Variants in ZNF577 observed in about 807,000 individuals in gnomAD.
The protein encoded by ZNF577 is zinc finger protein 577.
Under a neutral mutation model 13.9 loss-of-function variants are expected in ZNF577, and 14 were observed. That is an observed-to-expected ratio of 1.00 (90% confidence interval 0.66 to 1.57). ZNF577 has a LOEUF of 1.57. Ranked by LOEUF, ZNF577 falls within the 40% of genes most tolerant of loss-of-function variation. The probability of loss-of-function intolerance (pLI) is 0.00; values close to 1 mark genes in which losing one functional copy is unlikely to be tolerated. For synonymous variants in ZNF577, 203 were observed against 202.9 expected (o/e 1.00, Z 0.00); for missense variants, 555 against 579.2 (o/e 0.96, Z 0.43).
intron 1 of ZNF577, among the ~76,000 whole-genome samples, chr19:51,885,660 C>T (rs2084934388): frequency 6.6e-6 from 1 of 152,052 alleles, no homozygotes; most frequent in African/African-American, 2.4e-5. Flanking sequence ...TACAGACACC[C>T]GCTACCACGC....
intron 9 of ZNF577, among the ~76,000 whole-genome samples, chr19:51,822,397 G>A (rs2084196936): frequency 6.6e-6 from 1 of 152,180 alleles, no homozygotes; most frequent in South Asian, 2.1e-4. Context: ...GAACAAAATT[G>A]CGATTTGATT....
intron 9 of ZNF577, among the ~76,000 whole-genome samples, chr19:51,835,512 G>C (rs141803295): frequency 6.6e-6 from 1 of 150,736 alleles, no homozygotes; most frequent in East Asian, 2.0e-4. Context: ...ACTTCCAAAA[G>C]ACAGGGAAAA....
In ZNF577 at chr19:51,872,985, A is replaced by G; in HGVS notation, c.1005T>C (p.Phe335=). The G allele has an allele frequency of 6.2e-7, 1 of 1,614,152 alleles. No individual in the cohort carries two copies. The highest frequency in any genetic ancestry group is 8.5e-7 in the Non-Finnish European group (1 of 1,180,030). Residue 335 remains phenylalanine, a synonymous_variant, in exon 6 of 6, where the codon TTT becomes TTC. Coordinates refer to ENST00000638348, the MANE Select transcript of ZNF577 (RefSeq NM_001370449.1). ...GCTGAATGAGCTTCGACTTGCTTCT[A>G]AAGGCTTTTTCACACTCACTACATT... ...PYECSECEKA[F]RSKSKLIQHQ...
chr19:51,877,226 A>C, intron 5 of ZNF577, 56 bp downstream of exon 5: 18 of 1,465,400 alleles, frequency 1.2e-5, no homozygotes, highest in Non-Finnish European at 1.6e-5. Flanking sequence ...CCCTTCTCCG[A>C]CCAGCTGGGA....
chr19:51,830,524 G>T (rs1188388004), intron 9 of ZNF577, among the ~76,000 whole-genome samples: 1 of 152,162 alleles, frequency 6.6e-6, no homozygotes, highest in African/African-American at 2.4e-5. Context: ...TTACTGCACT[G>T]CAGGTTCAGA....
At chr19:51,848,926 GC>G (rs2084367370) in intron 5 of ZNF577, among the ~76,000 whole-genome samples, 1 of 151,786 alleles carries the variant, frequency 6.6e-6, no homozygotes, top group African/African-American at 2.4e-5. Flanking sequence ...AGATTATATT[GC>G]CTTTAGATAA....
rs2084685219 is a variant in ZNF577, at chr19:51,872,922, G to C, written c.1068C>G (p.Cys356Trp). The change falls in exon 6 of 6, where the codon TGC becomes TGG. Residue 356 changes from cysteine to tryptophan, a missense_variant. Coordinates refer to ENST00000638348, the MANE Select transcript of ZNF577 (RefSeq NM_001370449.1). ...GGGCAAAGGCTTTGCCACATTCTCTGCATGAATATGGTCTCTCTCCAGTGT... is the reference window on the plus strand; with the variant it reads ...GGGCAAAGGCTTTGCCACATTCTCTCCATGAATATGGTCTCTCTCCAGTGT... ...RTHTGERPYSCRECGKAFAHM... is the reference protein window; with the variant it reads ...RTHTGERPYSWRECGKAFAHM... 3 of 1,614,192 alleles carry C rather than the reference G, an allele frequency of 1.9e-6. No homozygotes were observed. The highest frequency in any genetic ancestry group is 2.5e-6 in the Non-Finnish European group (3 of 1,180,028).
At chr19:51,820,185 G>A (rs1307749421) in intron 9 of ZNF577, among the ~76,000 whole-genome samples, 4 of 152,208 alleles carry the variant, frequency 2.6e-5, no homozygotes, top group African/African-American at 7.2e-5. Flanking sequence ...TAATGCATCA[G>A]AAATCACACG....
chr19:51,857,543 G>A (rs1405367449), intron 5 of ZNF577, among the ~76,000 whole-genome samples: 3 of 152,256 alleles, frequency 2.0e-5, no homozygotes, highest in Non-Finnish European at 2.9e-5. Flanking sequence ...GGGATATGCC[G>A]AAGGGCCTCT....
In ZNF577 at chr19:51,887,540, G is replaced by A. The variant is rs1389782007; in HGVS notation, c.-938C>T. The A allele has an allele frequency of 6.6e-6, 1 of 152,210 alleles. No homozygotes were observed. The highest frequency in any genetic ancestry group is 1.5e-5 in the Non-Finnish European group (1 of 68,082). 9.4% of individuals were successfully genotyped at this position (152,210 alleles called of 1,614,324 possible). A position where few individuals can be genotyped will look rare whatever the true frequency, so the allele number is the denominator to read the frequency against. On this transcript the variant is annotated 5_prime_UTR_variant, in exon 1 of 6. Transcript: ENST00000638348. ...AGCAGACCCCTTTTTAAGTACGCAT[G>A]TGATAAGCAATGAACACGAACTGCC...
chr19:51,871,166 T>C lies in ZNF577; in HGVS notation c.*1366A>G, dbSNP rs7257130. The stretch of plus-strand genomic sequence containing the variant: ...TCACCCACGCTGTAGTGCAGTGGCA[T>C]GATCATAGCTCACTGCAGTCACTGC... On this transcript the variant is annotated 3_prime_UTR_variant, in exon 6 of 6. Coordinates refer to ENST00000638348, the MANE Select transcript of ZNF577 (RefSeq NM_001370449.1). 0.18 allele frequency: 27,439 copies of C among 152,146 alleles called. 3,027 individuals are homozygous for C. Among genetic ancestry groups the C allele is most frequent in the South Asian group, 0.33 (1,607 of 4,826 alleles). The allele number at this position is 152,146 out of a possible 1,614,324, so 9.4% of individuals were successfully genotyped here.
At chr19:51,878,352 A>T in intron 4 of ZNF577, 37 bp downstream of exon 4, 1 of 1,608,120 alleles carries the variant, frequency 6.2e-7, no homozygotes, top group Non-Finnish European at 8.5e-7. Flanking sequence ...TCACCAAATA[A>T]GAAAGAAAAG....
At chr19:51,863,558 G>T (rs8102365), downstream of ZNF577, among the ~76,000 whole-genome samples, 1,607 of 152,282 alleles carry the variant, frequency 0.011, 27 homozygotes, top group African/African-American at 0.034. Flanking sequence ...ATATGTACCT[G>T]TGTGTGGTGT....
At chr19:51,811,684 G>A (rs889647494) in intron 9 of ZNF577, 4 of 152,208 alleles carry the variant, frequency 2.6e-5, no homozygotes, top group African/African-American at 4.8e-5. Flanking sequence ...ACTGAACAAA[G>A]GGGGATGAAC....
intron 5 of ZNF577, among the ~76,000 whole-genome samples, chr19:51,875,520 T>C (rs1382189874): frequency 6.6e-6 from 1 of 152,236 alleles, no homozygotes; most frequent in African/African-American, 2.4e-5. Context: ...GTCCTCATGT[T>C]ATTTGACATT....
At chr19:51,810,345 C>A (rs1211660428) in intron 10 of ZNF577, among the ~76,000 whole-genome samples, 1 of 152,180 alleles carries the variant, frequency 6.6e-6, no homozygotes, top group Non-Finnish European at 1.5e-5. Flanking sequence ...AGCATTTCTG[C>A]AGCCGTGGTA....
In ZNF577 at chr19:51,871,843, T is replaced by C. The variant is rs1323470900; in HGVS notation, c.*689A>G. The C allele has an allele frequency of 6.6e-6, 1 of 152,114 alleles. No individual in the cohort carries two copies. Among genetic ancestry groups the C allele is most frequent in the Non-Finnish European group, 1.5e-5 (1 of 68,026 alleles). 9.4% of individuals were successfully genotyped at this position (152,114 alleles called of 1,614,324 possible). A position where few individuals can be genotyped will look rare whatever the true frequency, so the allele number is the denominator to read the frequency against. On this transcript the variant is annotated 3_prime_UTR_variant, in exon 6 of 6. Coordinates refer to ENST00000638348, the MANE Select transcript of ZNF577 (RefSeq NM_001370449.1). ...CAAAGAAAGACGCTCCCCTAGAGCC[T>C]CCAAAAAGAAAAGCAGCCCTGTCAA...
chr19:51,839,334 C>T (rs1007416347), intron 9 of ZNF577, among the ~76,000 whole-genome samples: 3 of 152,136 alleles, frequency 2.0e-5, no homozygotes, highest in Non-Finnish European at 2.9e-5. Context: ...GTTGAGGCTG[C>T]AGTAAGCTAT....
Position 51,857,377 on chromosome 19 carries a change from A to AGAAG in ZNF577, c.284-12447_284-12446insCTTC, listed in dbSNP as rs1568442137. 8.7e-3 allele frequency among the ~76,000 whole-genome samples: 923 copies of AGAAG among 105,926 alleles called. 38 individuals carry two copies. Among genetic ancestry groups the AGAAG allele is most frequent in the African/African-American group, 0.038 (875 of 23,152 alleles). The allele number at this position is 105,926 out of a possible 152,430, so 69.5% of individuals were successfully genotyped here. A position where few individuals can be genotyped will look rare whatever the true frequency, so the allele number is the denominator to read the frequency against. ...AAGAAAGAAGGAAGGAAAGAAAGAA[A>AGAAG]GAAAGAAAGAAAGAAAGAAAGAAAG... On this transcript the variant is annotated intron_variant and NMD_transcript_variant, in intron 5 of 10. Coordinates refer to the ZNF577 transcript ENST00000638827.
Sources: gnomAD v4.1 joint callset for allele counts (sites outside exome capture counted in the v4.1 genomes callset) on GRCh38, gnomAD v4.1.1 for gene constraint, MANE v1.5 for transcripts, NCBI Gene and HGNC (gene_info 2026-07-23, HGNC 2026-07-21) for gene names.